Variants in SPOCK1 observed in about 807,000 individuals in gnomAD.
SPOCK1 encodes testican-1.
SPOCK1 carries 23 observed loss-of-function variants against 55.3 expected under a neutral mutation model. The ratio of observed to expected loss-of-function variants is 0.42; its 90% CI spans 0.30 to 0.59. The LOEUF (loss-of-function observed/expected upper bound fraction) is 0.59, where lower values mean the gene tolerates loss of function less well. SPOCK1 is among the 20% of genes least tolerant of loss of function. The pLI is 0.22. For synonymous variants in SPOCK1, 226 were observed against 221.0 expected, an observed-to-expected ratio of 1.02 and a Z score of -0.20; for missense variants, 499 against 552.5, an observed-to-expected ratio of 0.90 and a Z score of 0.97.
At chr5:137,194,087 T>C (rs1156306830) in intron 3 of SPOCK1, among the ~76,000 whole-genome samples, 1 of 152,096 alleles carries the variant, frequency 6.6e-6, no homozygotes, top group East Asian at 1.9e-4. Flanking sequence ...AGAAAAAATA[T>C]TGCACACCTC....
chr5:137,400,105 G>A (rs1454056158), intron 2 of SPOCK1, among the ~76,000 whole-genome samples: 3 of 152,230 alleles, frequency 2.0e-5, no homozygotes, highest in African/African-American at 7.2e-5. Context: ...TTGCACACAT[G>A]GGCGTTAAGT....
chr5:137,027,341 T>C (rs1751697965), intron 6 of SPOCK1, among the ~76,000 whole-genome samples: 1 of 152,232 alleles, frequency 6.6e-6, no homozygotes, highest in South Asian at 2.1e-4. Context: ...AGGTCAGTTT[T>C]ATATGAATTC....
chr5:137,135,528 C>G (rs1242755490), intron 4 of SPOCK1, among the ~76,000 whole-genome samples: 1 of 152,204 alleles, frequency 6.6e-6, no homozygotes, highest in Non-Finnish European at 1.5e-5. Context: ...CCTTCTTCCG[C>G]AAACAAACCC....
At chr5:137,060,345 A>C (rs1752373772) in intron 6 of SPOCK1, among the ~76,000 whole-genome samples, 1 of 152,192 alleles carries the variant, frequency 6.6e-6, no homozygotes, top group Non-Finnish European at 1.5e-5. Flanking sequence ...AACTCATGCA[A>C]GAACAGAAAA....
At chr5:137,158,468 T>C (rs1175667464) in intron 3 of SPOCK1, among the ~76,000 whole-genome samples, 1 of 152,100 alleles carries the variant, frequency 6.6e-6, no homozygotes, top group Non-Finnish European at 1.5e-5. Context: ...GGGTCTCTGG[T>C]TAGAAACCAG....
At chr5:137,386,162 T>C (rs930449292) in intron 2 of SPOCK1, among the ~76,000 whole-genome samples, 2 of 152,188 alleles carry the variant, frequency 1.3e-5, no homozygotes, top group Admixed American at 6.5e-5. Flanking sequence ...TACTCAAGTA[T>C]AAATCTTAAA....
chr5:137,187,960 G>A (rs1755106773), intron 3 of SPOCK1, among the ~76,000 whole-genome samples: 1 of 152,276 alleles, frequency 6.6e-6, no homozygotes, highest in South Asian at 2.1e-4. Context: ...GCTCAAGAAC[G>A]GGAGTTTTTA....
intron 2 of SPOCK1, among the ~76,000 whole-genome samples, chr5:137,341,599 A>T (rs1379230292): frequency 6.6e-6 from 1 of 152,252 alleles, no homozygotes; most frequent in African/African-American, 2.4e-5. Context: ...AACAAAAATT[A>T]TCTTACTCAC....
chr5:137,167,385 A>G (rs901078964), intron 3 of SPOCK1, among the ~76,000 whole-genome samples: 4 of 151,956 alleles, frequency 2.6e-5, no homozygotes, highest in Non-Finnish European at 4.4e-5. Context: ...TCAACACCCC[A>G]GTTTCAGCAC....
chr5:137,084,792 T>C (rs924757789), intron 5 of SPOCK1, among the ~76,000 whole-genome samples: 4 of 152,098 alleles, frequency 2.6e-5, no homozygotes, highest in Non-Finnish European at 5.9e-5. Context: ...GAAAGTCCTC[T>C]CAGCTGCCAC....
chr5:137,200,826 G>T (rs1424732804), intron 3 of SPOCK1, among the ~76,000 whole-genome samples: 1 of 152,094 alleles, frequency 6.6e-6, no homozygotes, highest in African/African-American at 2.4e-5. Flanking sequence ...AGGAAACTGA[G>T]GCTTTGAGTA....
intron 2 of SPOCK1, among the ~76,000 whole-genome samples, chr5:137,362,184 C>G (rs1243565156): frequency 6.6e-6 from 1 of 152,154 alleles, no homozygotes; most frequent in Non-Finnish European, 1.5e-5. Flanking sequence ...CCTCCCAAAA[C>G]TCAAAAGTAC....
intron 2 of SPOCK1, chr5:137,364,965 TCTC>T (rs1211943275): frequency 2.6e-5 from 4 of 152,250 alleles, no homozygotes; most frequent in Admixed American, 1.3e-4. Flanking sequence ...GACACTGTCA[TCTC>T]CTCATTTGTT....
rs148137219 is a variant in SPOCK1 at position 137,144,013 on chromosome 5, G to C, written c.233-3319C>G. ...TGCACCATATTCTTAAGAGGCTTTG[G>C]GGGCAGAATGAGACTTACTGGGTAA... is the stretch of plus-strand genomic sequence containing the variant. On this transcript the variant is annotated intron_variant, in intron 3 of 10. Coordinates refer to ENST00000394945, the MANE Select transcript of SPOCK1 (RefSeq NM_004598.4). Among the ~76,000 whole-genome samples, 41 of 152,246 alleles carry C rather than the reference G, an allele frequency of 2.7e-4. 1 individual carries two copies. In the East Asian group the frequency reaches 7.9e-3, roughly 29 times the overall value.
intron 3 of SPOCK1, among the ~76,000 whole-genome samples, chr5:137,167,436 T>C (rs946843225): frequency 3.3e-5 from 5 of 151,130 alleles, no homozygotes; most frequent in African/African-American, 7.3e-5. Context: ...AAAAAAAACA[T>C]AGGACTTAAT....
chr5:137,488,797 C>G (rs1247608319), intron 2 of SPOCK1, among the ~76,000 whole-genome samples: 1 of 152,170 alleles, frequency 6.6e-6, no homozygotes, highest in East Asian at 1.9e-4. Flanking sequence ...GCCTGCTCAC[C>G]TACCACATAA....
At chr5:137,113,526 C>T (rs113214282) in intron 4 of SPOCK1, among the ~76,000 whole-genome samples, 3 of 152,198 alleles carry the variant, frequency 2.0e-5, no homozygotes, top group African/African-American at 4.8e-5. Context: ...CAAATCTCAG[C>T]TCTGTCATTC....
chr5:137,121,739 A>G (rs1753688105), intron 4 of SPOCK1, among the ~76,000 whole-genome samples: 1 of 146,660 alleles, frequency 6.8e-6, no homozygotes, highest in Non-Finnish European at 1.5e-5. Flanking sequence ...TGGACATCAT[A>G]TAAGTGTGTG....
Position 136,978,754 on chromosome 5 carries a change from T to C in SPOCK1, c.1220A>G (p.Lys407Arg). The C allele has an allele frequency of 6.2e-7, 1 of 1,614,102 alleles. No individual in the cohort carries two copies. ...CACCCTCAGCTTCCCCTCTTTGTCC[T>C]TTGGTCCCAGCTCCCGTTCATATTC... ...DLEYERELGP[K>R]DKEGKLRVHT... The change falls in exon 11 of 11, where the codon AAG (lysine) becomes AGG (arginine). Residue 407 changes from lysine to arginine, a missense_variant. Around this residue, in one of 3 missense-constraint regions of SPOCK1, gnomAD observed 83 missense variants for 87.5 expected, o/e 0.95. Coordinates refer to ENST00000394945, the MANE Select transcript of SPOCK1 (RefSeq NM_004598.4).
Sources: gnomAD v4.1 joint callset for allele counts (sites outside exome capture counted in the v4.1 genomes callset) on GRCh38, gnomAD v4.1.1 for gene constraint, gnomAD v4.1.1 regional missense constraint, MANE v1.5 for transcripts, NCBI Gene and HGNC (gene_info 2026-07-23, HGNC 2026-07-21) for gene names.